The following ATP10A variants were observed in gnomAD, a reference collection of about 807,000 sequenced individuals.
ATP10A encodes the protein ATPase phospholipid transporting 10A (putative), also known as phospholipid-transporting ATPase VA.
A neutral mutation model predicts 147.8 loss-of-function variants in ATP10A; 111 were observed. The ratio of observed to expected loss-of-function variants is 0.75; its 90% CI spans 0.64 to 0.88. ATP10A has a LOEUF of 0.88. ATP10A is among the 40% of genes least tolerant of loss of function. ATP10A has a pLI of 0.00. For missense variants in ATP10A, 1,927 were observed against 1,959.0 expected (o/e 0.98, Z 0.31); for synonymous variants, 875 against 841.6 (o/e 1.04, Z -0.69).
Position 25,783,624 on chromosome 15 carries a change from T to C in ATP10A, c.450-2401A>G, listed in dbSNP as rs1890030798. Among the ~76,000 whole-genome samples the C allele has an allele frequency of 1.3e-5, 2 of 152,186 alleles. 1 individual carries two copies. Among genetic ancestry groups the C allele is most frequent in the South Asian group, 4.1e-4 (2 of 4,832 alleles). On this transcript the variant is annotated intron_variant, in intron 1 of 20. Transcript: ENST00000555815. ...CACCAAACCAGTTATGTACAAAGCA[T>C]AGCTCTGGGGCACTACGTTGGGAAC...
At chr15:25,850,442 C>G (rs1407843566) in intron 1 of ATP10A, among the ~76,000 whole-genome samples, 1 of 152,160 alleles carries the variant, frequency 6.6e-6, no homozygotes, top group Non-Finnish European at 1.5e-5. Flanking sequence ...CAGGAGAGGC[C>G]CCGGCTGTGT....
intron 1 of ATP10A, chr15:25,862,318 T>C (rs1486187173): frequency 5.5e-6 from 3 of 542,028 alleles, no homozygotes; most frequent in Non-Finnish European, 1.1e-5. Context: ...TTCCTGCCTT[T>C]CACTTCAGGT....
chr15:25,835,078 C>A (rs140615942), intron 1 of ATP10A, among the ~76,000 whole-genome samples: 3,036 of 152,182 alleles, frequency 0.02, 55 homozygotes, highest in African/African-American at 0.05. Flanking sequence ...GCCTGGGCAA[C>A]ACAGTGAGAC....
In ATP10A at chr15:25,862,939, C is replaced by T. The variant is rs1276804131; in HGVS notation, c.158G>A (p.Arg53His). ...GTCGGCCAGGTGCTGGGCACACCCG[C>T]GCCGCCGTCGCCGCTCGCCCTTGGC... is the stretch of plus-strand genomic sequence containing the variant. ...GAAKGERRRR[R>H]GCAQHLADNR... Residue 53 changes from arginine (R) to histidine (H), a missense_variant, in exon 1 of 21, where the codon CGC becomes CAC. Arg to His is a conservative substitution (Grantham distance 29). Transcript: ENST00000555815. 1.3e-6 allele frequency: 2 copies of T among 1,574,888 alleles called. No homozygotes were observed. The highest frequency in any genetic ancestry group is 1.7e-6 in the Non-Finnish European group (2 of 1,165,478).
Position 25,713,782 on chromosome 15 carries a change from G to A in ATP10A, c.2236C>T (p.Arg746Cys), listed in dbSNP as rs1250778776. ...CGGATCACCACTGACATCCTCTTGC[G>A]GACGGAATCGAAACCCAGTGTGTGC... is the stretch of plus-strand genomic sequence containing the variant. Reference protein sequence around the residue: ...LLHTLGFDSVRKRMSVVIRHP... With the variant: ...LLHTLGFDSVCKRMSVVIRHP... The change falls in exon 10 of 21, where the codon CGC becomes TGC. Residue 746 changes from arginine to cysteine, a missense_variant. Physicochemically the swap from Arg to Cys is radical, Grantham distance 180. Coordinates refer to ENST00000555815, the MANE Select transcript of ATP10A (RefSeq NM_024490.4). 2 of 1,614,002 alleles carry A rather than the reference G, an allele frequency of 1.2e-6. No homozygotes were observed. Among genetic ancestry groups the A allele is most frequent in the Non-Finnish European group, 1.7e-6 (2 of 1,180,050 alleles).
intron 2 of ATP10A, among the ~76,000 whole-genome samples, chr15:25,771,440 G>A (rs188005856): frequency 6.6e-6 from 1 of 152,088 alleles, no homozygotes; most frequent in East Asian, 1.9e-4. Context: ...TTAGGTCTGC[G>A]ATCTAAGTCT....
At chr15:25,760,980 C>T (rs1888728049) in intron 2 of ATP10A, among the ~76,000 whole-genome samples, 1 of 152,126 alleles carries the variant, frequency 6.6e-6, no homozygotes, top group Admixed American at 6.5e-5. Context: ...TTTTATAGCA[C>T]ATTTATGTAT....
downstream of ATP10A, among the ~76,000 whole-genome samples, chr15:25,674,415 C>G (rs372575235): frequency 1.5e-3 from 50 of 33,116 alleles, no homozygotes; most frequent in South Asian, 0.08. Context: ...AGCGTAGGGA[C>G]TGCTGTTGAT....
At chr15:25,834,170 A>C (rs966294723) in intron 1 of ATP10A, among the ~76,000 whole-genome samples, 1 of 152,212 alleles carries the variant, frequency 6.6e-6, no homozygotes, top group Non-Finnish European at 1.5e-5. Context: ...TTTGTCAATT[A>C]AAAATAATAA....
At position 25,771,517 on chromosome 15, in the gene ATP10A, C is replaced by G. The variant is rs35732662; in HGVS notation, c.654+9502G>C. Among the ~76,000 whole-genome samples the G allele has an allele frequency of 6.0e-3, 917 of 152,292 alleles. 17 individuals carry two copies. The highest frequency in any genetic ancestry group is 0.025 in the Admixed American group (389 of 15,290). On this transcript the variant is annotated intron_variant, in intron 2 of 20. Coordinates refer to ENST00000555815, the MANE Select transcript of ATP10A (RefSeq NM_024490.4). ...GTCCACTAGAGGCTTATCTTCCCAGCTACAGAACAAAGACAAGACTCCTCC... is the reference window on the plus strand; with the variant it reads ...GTCCACTAGAGGCTTATCTTCCCAGGTACAGAACAAAGACAAGACTCCTCC...
chr15:25,788,544 C>T (rs1890273894), intron 1 of ATP10A, among the ~76,000 whole-genome samples: 1 of 152,248 alleles, frequency 6.6e-6, no homozygotes, highest in Non-Finnish European at 1.5e-5. Flanking sequence ...TTTGACTTCA[C>T]ATCTCCTGTT....
intron 4 of ATP10A, among the ~76,000 whole-genome samples, chr15:25,726,935 T>C (rs57762931): frequency 6.8e-6 from 1 of 147,730 alleles, no homozygotes; most frequent in South Asian, 2.1e-4. Flanking sequence ...CGGGCGCCTG[T>C]AGTCCCAGCT....
At chr15:25,738,040 C>T (rs1483273861) in intron 2 of ATP10A, among the ~76,000 whole-genome samples, 1 of 152,202 alleles carries the variant, frequency 6.6e-6, no homozygotes, top group African/African-American at 2.4e-5. Flanking sequence ...AATACAGAGA[C>T]CATCTTTGAG....
chr15:25,862,369 T>A (rs1355944163), intron 1 of ATP10A: 2 of 636,158 alleles, frequency 3.1e-6, no homozygotes, highest in East Asian at 6.4e-5. Context: ...GCCGTCGGTT[T>A]CTAGCCTTGG....
At chr15:25,766,554 CAGA>C (rs1889031861) in intron 2 of ATP10A, among the ~76,000 whole-genome samples, 1 of 151,946 alleles carries the variant, frequency 6.6e-6, no homozygotes. Context: ...TCTGAGCCAG[CAGA>C]AGAAGTGAGG....
At chr15:25,768,369 C>G (rs1347673574) in intron 2 of ATP10A, among the ~76,000 whole-genome samples, 1 of 152,080 alleles carries the variant, frequency 6.6e-6, no homozygotes, top group Non-Finnish European at 1.5e-5. Context: ...AAAAGCAGTG[C>G]TTCCTGATTC....
intron 1 of ATP10A, among the ~76,000 whole-genome samples, chr15:25,804,634 G>C (rs1596921914): frequency 6.6e-6 from 1 of 152,078 alleles, no homozygotes; most frequent in Non-Finnish European, 1.5e-5. Flanking sequence ...GGTCCACCCG[G>C]CCACCCACTC....
At chr15:25,744,536 A>T (rs770426564) in intron 2 of ATP10A, among the ~76,000 whole-genome samples, 7 of 152,378 alleles carry the variant, frequency 4.6e-5, no homozygotes, top group Admixed American at 3.3e-4. Context: ...ATCCACAGGA[A>T]GTTTAAAATC....
chr15:25,747,060 G>A (rs1416585248), intron 2 of ATP10A, among the ~76,000 whole-genome samples: 1 of 152,210 alleles, frequency 6.6e-6, no homozygotes, highest in Admixed American at 6.5e-5. Flanking sequence ...GCCAAGGCGG[G>A]TGGATCAAGT....
Sources: allele counts gnomAD v4.1 joint callset (sites outside exome capture counted in the v4.1 genomes callset), GRCh38; gene constraint gnomAD v4.1.1; transcripts MANE v1.5; gene names NCBI Gene and HGNC (gene_info 2026-07-23, HGNC 2026-07-21).